Variants in GID4 observed in about 807,000 individuals in gnomAD.
GID4 encodes the protein glucose-induced degradation protein 4 homolog.
A neutral mutation model predicts 32.4 loss-of-function variants in GID4; 7 were observed. That is an observed-to-expected ratio of 0.22 (90% confidence interval 0.12 to 0.41). The LOEUF is 0.41. GID4 is among the 10% of genes least tolerant of loss of function. GID4 has a pLI of 1.00. For missense variants in GID4, 309 were observed against 400.0 expected, an observed-to-expected ratio of 0.77 and a Z score of 1.94; for synonymous variants, 166 against 170.0, an observed-to-expected ratio of 0.98 and a Z score of 0.18.
At chr17:18,051,934 C>T (rs933270011) in intron 2 of GID4, among the ~76,000 whole-genome samples, 5 of 151,614 alleles carry the variant, frequency 3.3e-5, no homozygotes, top group Admixed American at 2.6e-4. Context: ...ATTAGACAGG[C>T]GTGGTGGCAT....
At chr17:18,044,160 T>A (rs2044829653) in intron 1 of GID4, among the ~76,000 whole-genome samples, 1 of 152,182 alleles carries the variant, frequency 6.6e-6, no homozygotes, top group African/African-American at 2.4e-5. Flanking sequence ...CATTTCTTCC[T>A]CATGCGCCTC....
chr17:18,056,464 TC>T (rs756622465), intron 3 of GID4, among the ~76,000 whole-genome samples: 33 of 152,196 alleles, frequency 2.2e-4, no homozygotes, highest in Non-Finnish European at 1.6e-4. Context: ...GCTAGGCTCT[TC>T]CTGCATGGCT....
chr17:18,050,064 C>CT (rs1215922234), intron 2 of GID4, among the ~76,000 whole-genome samples: 1 of 152,180 alleles, frequency 6.6e-6, no homozygotes, highest in African/African-American at 2.4e-5. Flanking sequence ...GATCTCATTT[C>CT]TTTTTATGGC....
chr17:18,041,613 T>C (rs986612079), intron 1 of GID4, among the ~76,000 whole-genome samples: 1 of 152,158 alleles, frequency 6.6e-6, no homozygotes, highest in Non-Finnish European at 1.5e-5. Context: ...TTCGGTTTGT[T>C]TTGCACCTAG....
At chr17:18,058,658 G>C (rs2044991823) in intron 3 of GID4, among the ~76,000 whole-genome samples, 1 of 152,170 alleles carries the variant, frequency 6.6e-6, no homozygotes, top group Non-Finnish European at 1.5e-5. Flanking sequence ...GCCCCAGCTG[G>C]AGTCCAGGTA....
At chr17:18,051,052 G>T (rs1031474606) in intron 2 of GID4, among the ~76,000 whole-genome samples, 1 of 152,146 alleles carries the variant, frequency 6.6e-6, no homozygotes, top group Non-Finnish European at 1.5e-5. Context: ...GTACCCTGTA[G>T]TTACCCTGAT....
chr17:18,061,904 G>C lies in GID4; in HGVS notation c.768G>C (p.Gly256=). ...IKDISGASFA[G]FYYICFQKSA... is the part of the protein sequence containing the mutation. ...ACATCAGTGGTGCTTCTTTTGCCGG[G>C]TTCTACTACATCTGCTTTCAGAAGT... Residue 256 remains glycine, a synonymous_variant, in exon 5 of 6, where the codon GGG becomes GGC. Coordinates refer to ENST00000268719, the MANE Select transcript of GID4 (RefSeq NM_024052.5). This position sits in a 1 kb window ranked among gnomAD's most constrained non-coding sequence, Gnocchi z 4.4. 6.2e-7 allele frequency: 1 copy of C among 1,613,970 alleles called. No individual in the cohort carries two copies. The highest frequency in any genetic ancestry group is 8.5e-7 in the Non-Finnish European group (1 of 1,179,928).
At position 18,067,155 on chromosome 17, in the gene GID4, G is replaced by C. The variant is rs563710113; in HGVS notation, c.*1912G>C. 1 of 152,496 alleles carries C rather than the reference G, an allele frequency of 6.6e-6. No homozygotes were observed. The highest frequency in any genetic ancestry group is 1.9e-4 in the East Asian group (1 of 5,190). 9.4% of individuals were successfully genotyped at this position (152,496 alleles called of 1,614,324 possible). A position where few individuals can be genotyped will look rare whatever the true frequency, so the allele number is the denominator to read the frequency against. On this transcript the variant is annotated 3_prime_UTR_variant, in exon 6 of 6. Coordinates refer to ENST00000268719, the MANE Select transcript of GID4 (RefSeq NM_024052.5). ...GATGGACAAGTGAAGGAGGCCATGG[G>C]GCTGTGCTGTCCTTCCTGCCGTACG...
chr17:18,039,957 G>C lies in GID4; in HGVS notation c.438+55G>C. 7.7e-7 allele frequency: 1 copy of C among 1,299,124 alleles called. No homozygotes were observed. The highest frequency in any genetic ancestry group is 9.8e-7 in the Non-Finnish European group (1 of 1,019,540). The allele number at this position is 1,299,124 out of a possible 1,614,324, so 80.5% of individuals were successfully genotyped here. On this transcript the variant is annotated intron_variant, in intron 1 of 5. Coordinates refer to ENST00000268719, the MANE Select transcript of GID4 (RefSeq NM_024052.5). This position sits in a 1 kb window ranked among gnomAD's most constrained non-coding sequence, Gnocchi z 5.3. ...GGCCTCCTCGCGGCGCTCACGGGCC[G>C]TGCCCGCTTCGGCTCCTCGACCCCG...
intron 2 of GID4, among the ~76,000 whole-genome samples, chr17:18,051,916 T>C (rs1217799149): frequency 6.6e-6 from 1 of 151,004 alleles, no homozygotes; most frequent in African/African-American, 2.4e-5. Flanking sequence ...CTACTAAAAA[T>C]ACAAAAAATT....
intron 2 of GID4, among the ~76,000 whole-genome samples, chr17:18,045,891 CAAA>C (rs549347770): frequency 1.1e-4 from 9 of 80,618 alleles, no homozygotes; most frequent in Admixed American, 1.4e-4. Context: ...GACCCTGTCT[CAAA>C]AAAAAAAAAA....
intron 2 of GID4, among the ~76,000 whole-genome samples, chr17:18,047,041 A>G (rs996573489): frequency 6.6e-6 from 1 of 152,030 alleles, no homozygotes; most frequent in Non-Finnish European, 1.5e-5. Context: ...CTAATATGTG[A>G]TTCTCTTGTA....
At chr17:18,056,753 A>G in intron 3 of GID4, 1 of 1,550,618 alleles carries the variant, frequency 6.4e-7, no homozygotes, top group African/African-American at 1.4e-5. Flanking sequence ...GGACTGAAAC[A>G]TTTTGGGTGA....
intron 1 of GID4, 120 bp from the exon 2 acceptor site, chr17:18,045,027 G>A (rs1367067571): frequency 2.4e-5 from 16 of 670,966 alleles, no homozygotes; most frequent in Non-Finnish European, 4.2e-5. Flanking sequence ...GGTGAGCCTT[G>A]GACTGCCCTG....
At chr17:18,065,110 G>T in intron 5 of GID4, 70 bp from the exon 6 acceptor site, 1 of 1,087,660 alleles carries the variant, frequency 9.2e-7, no homozygotes, top group South Asian at 1.3e-5. Flanking sequence ...CTTTTTGAGG[G>T]GTTACTAATG....
rs1168699153 is a variant in GID4 at position 18,066,888 on chromosome 17, C to T, written c.*1645C>T. On this transcript the variant is annotated 3_prime_UTR_variant, in exon 6 of 6. Coordinates refer to ENST00000268719, the MANE Select transcript of GID4 (RefSeq NM_024052.5). ...ACTTGTGATATCTAAAATCTGTTAT[C>T]CCAGGACTGTGTACAGAGGGGCAAC... The T allele has an allele frequency of 6.6e-6, 1 of 152,174 alleles. No individual in the cohort carries two copies. The highest frequency in any genetic ancestry group is 2.4e-5 in the African/African-American group (1 of 41,424). The allele number at this position is 152,174 out of a possible 1,614,324, so 9.4% of individuals were successfully genotyped here.
At position 18,054,162 on chromosome 17, in the gene GID4, A is replaced by G; in HGVS notation, c.534A>G (p.Glu178=). The G allele has an allele frequency of 6.2e-7, 1 of 1,613,086 alleles. No homozygotes were observed. Among genetic ancestry groups the G allele is most frequent in the Non-Finnish European group, 8.5e-7 (1 of 1,179,182 alleles). The change falls in exon 3 of 6, where the codon GAA becomes GAG. Residue 178 remains glutamate (E), a synonymous_variant. Transcript: ENST00000268719. ...YPTLTTFFEG[E]IISKKHPFLT... is the part of the protein sequence containing the mutation. ...CCCTTACAACCTTCTTCGAAGGAGA[A>G]ATAATCAGCAAAAAACACCCTTTCT...
At position 18,044,264 on chromosome 17, in the gene GID4, C is replaced by T. The variant is rs967203448; in HGVS notation, c.439-883C>T. On this transcript the variant is annotated intron_variant, in intron 1 of 5. Coordinates refer to ENST00000268719, the MANE Select transcript of GID4 (RefSeq NM_024052.5). ...CACTCACCCCTAAATACATGACTTG[C>T]AAGGGGATAGGGACACCTGTGTGCC... Among the ~76,000 whole-genome samples the T allele has an allele frequency of 2.0e-5, 3 of 152,222 alleles. No homozygotes were observed. The South Asian group carries it at 6.2e-4, about 32-fold the overall frequency.
intron 3 of GID4, 38 bp from the exon 4 acceptor site, chr17:18,058,830 C>A: frequency 7.8e-7 from 1 of 1,286,642 alleles, no homozygotes; most frequent in Non-Finnish European, 1.1e-6. Context: ...GCCTCTCCTT[C>A]TCTCAGTCAA....
Sources: allele counts gnomAD v4.1 joint callset (sites outside exome capture counted in the v4.1 genomes callset), GRCh38; gene constraint gnomAD v4.1.1; non-coding constraint Gnocchi (gnomAD v3.1); transcripts MANE v1.5; gene names NCBI Gene and HGNC (gene_info 2026-07-23, HGNC 2026-07-21).